The following AJAP1 variants were observed in gnomAD, a reference collection of about 807,000 sequenced individuals.
The protein encoded by AJAP1 is adherens junctions associated protein 1, also known as adherens junction-associated protein 1.
A neutral mutation model predicts 35.0 loss-of-function variants in AJAP1; 5 were observed. The ratio of observed to expected loss-of-function variants is 0.14; its 90% CI spans 0.07 to 0.30. AJAP1 has a LOEUF of 0.30. Among genes scored for constraint, AJAP1 ranks in the 10% least tolerant of loss-of-function variants. The pLI is 1.00. For missense variants in AJAP1, 586 were observed against 571.0 expected (o/e 1.03, Z -0.27); for synonymous variants, 284 against 249.3 (o/e 1.14, Z -1.31).
chr1:4,695,412 G>A (rs1281409554), intron 1 of AJAP1, among the ~76,000 whole-genome samples: 1 of 152,174 alleles, frequency 6.6e-6, no homozygotes, highest in East Asian at 1.9e-4. Flanking sequence ...CCAACGGCTG[G>A]CCAGGCAAGG....
chr1:4,697,744 A>G (rs1639898663), intron 1 of AJAP1, among the ~76,000 whole-genome samples: 1 of 152,208 alleles, frequency 6.6e-6, no homozygotes, highest in African/African-American at 2.4e-5. Context: ...CACGTCTAAC[A>G]AGATGGTCCC....
chr1:4,726,738 C>T (rs1226332896), intron 2 of AJAP1, among the ~76,000 whole-genome samples: 3 of 152,172 alleles, frequency 2.0e-5, no homozygotes, highest in Admixed American at 6.5e-5. Flanking sequence ...GTGTCTTCAG[C>T]ATGTGGGTCT....
chr1:4,711,700 G>A (rs1187730133), intron 1 of AJAP1, among the ~76,000 whole-genome samples, 200 bp from the exon 2 acceptor site: 2 of 152,178 alleles, frequency 1.3e-5, no homozygotes, highest in Admixed American at 6.5e-5. Flanking sequence ...CCCTCGCAGC[G>A]CGCGCTGTTC....
At chr1:4,682,830 T>C (rs1639513486) in intron 1 of AJAP1, among the ~76,000 whole-genome samples, 1 of 152,002 alleles carries the variant, frequency 6.6e-6, no homozygotes, top group South Asian at 2.1e-4. Flanking sequence ...ATACTGGTGG[T>C]GTTGGTGATG....
At chr1:4,658,880 G>T (rs1180320542) in intron 1 of AJAP1, among the ~76,000 whole-genome samples, 1 of 152,212 alleles carries the variant, frequency 6.6e-6, no homozygotes, top group African/African-American at 2.4e-5. Flanking sequence ...GCAGAGCAGC[G>T]CCGGCTTCTC....
chr1:4,669,574 A>G (rs6672744), intron 1 of AJAP1, among the ~76,000 whole-genome samples: 37,587 of 152,114 alleles, frequency 0.25, 4,734 homozygotes, highest in African/African-American at 0.27. Flanking sequence ...CCCATGATCC[A>G]ATGACCTCCA....
chr1:4,674,270 A>G (rs944358343), intron 1 of AJAP1, among the ~76,000 whole-genome samples: 1 of 152,160 alleles, frequency 6.6e-6, no homozygotes, highest in East Asian at 1.9e-4. Flanking sequence ...GGCACACCAC[A>G]GTCTGTGGCT....
At chr1:4,672,023 C>G (rs1639260358) in intron 1 of AJAP1, among the ~76,000 whole-genome samples, 1 of 152,196 alleles carries the variant, frequency 6.6e-6, no homozygotes. Flanking sequence ...GCCTATCAGC[C>G]TGGGCGCAGT....
chr1:4,743,954 C>T (rs948659749), intron 2 of AJAP1, among the ~76,000 whole-genome samples: 3 of 130,970 alleles, frequency 2.3e-5, no homozygotes, highest in Admixed American at 7.7e-5. Context: ...CCAGGCTCTC[C>T]AGGTTGGGAT....
chr1:4,791,272 G>T lies in AJAP1; in HGVS notation c.*8787G>T, dbSNP rs1642244988. 1 of 152,186 alleles carries T rather than the reference G, an allele frequency of 6.6e-6. No individual in the cohort carries two copies. The highest frequency in any genetic ancestry group is 2.4e-5 in the African/African-American group (1 of 41,438). 9.4% of individuals were successfully genotyped at this position (152,186 alleles called of 1,614,324 possible). A position where few individuals can be genotyped will look rare whatever the true frequency, so the allele number is the denominator to read the frequency against. On this transcript the variant is annotated 3_prime_UTR_variant, in exon 6 of 6. Transcript: ENST00000378191. Reference sequence around the variant, plus strand: ...GTTAGACCCAGAAAGTATTGAACTGGACATTGAATGAAGCTTGAGGCCATG... The same window carrying T: ...GTTAGACCCAGAAAGTATTGAACTGTACATTGAATGAAGCTTGAGGCCATG...
At chr1:4,724,818 G>A (rs956391594) in intron 2 of AJAP1, among the ~76,000 whole-genome samples, 5 of 152,236 alleles carry the variant, frequency 3.3e-5, no homozygotes, top group Admixed American at 2.6e-4. Context: ...AAGCCATGCA[G>A]ATCTTGCAAT....
chr1:4,792,337 G>A lies in AJAP1; in HGVS notation c.*9852G>A, dbSNP rs1292234256. On this transcript the variant is annotated 3_prime_UTR_variant, in exon 6 of 6. Transcript: ENST00000378191. ...AAATGACACAATATATGTGGGTGGG[G>A]GGCGGGGGGCAGGTGGCTGGGTGTG... 3 of 128,466 alleles carry A rather than the reference G, an allele frequency of 2.3e-5. No homozygotes were observed. Among genetic ancestry groups the A allele is most frequent in the Non-Finnish European group, 4.8e-5 (3 of 62,668 alleles). The allele number at this position is 128,466 out of a possible 1,614,324, so 8.0% of individuals were successfully genotyped here. A position where few individuals can be genotyped will look rare whatever the true frequency, so the allele number is the denominator to read the frequency against.
Position 4,772,469 on chromosome 1 carries a change from C to A in AJAP1, c.1107C>A (p.Thr369=), listed in dbSNP as rs374238895. The part of the protein sequence containing the change: ...ECVRASVPVY[T]DETLHSTTGE... Reference sequence around the variant, plus strand: ...TCAGGGCATCTGTGCCCGTGTACACCGATGAGACGCTGCACTCGACGACGG... The same window carrying A: ...TCAGGGCATCTGTGCCCGTGTACACAGATGAGACGCTGCACTCGACGACGG... Residue 369 remains threonine, a synonymous_variant, in exon 4 of 6, where the codon ACC becomes ACA. Transcript: ENST00000378191. The A allele has an allele frequency of 3.1e-6, 5 of 1,614,210 alleles. No individual in the cohort carries two copies. Among genetic ancestry groups the A allele is most frequent in the Non-Finnish European group, 4.2e-6 (5 of 1,180,048 alleles).
chr1:4,683,549 C>T (rs571939975), intron 1 of AJAP1, among the ~76,000 whole-genome samples: 11 of 152,316 alleles, frequency 7.2e-5, no homozygotes, highest in Middle Eastern at 6.8e-3. Flanking sequence ...AATGTGACCT[C>T]AGACATTCAG....
chr1:4,761,624 G>C (rs940819175), intron 2 of AJAP1, among the ~76,000 whole-genome samples: 2 of 152,190 alleles, frequency 1.3e-5, no homozygotes, highest in Non-Finnish European at 2.9e-5. Flanking sequence ...TATATAAGGG[G>C]AGTTTATTAA....
chr1:4,746,943 G>T (rs914904371), intron 2 of AJAP1, among the ~76,000 whole-genome samples: 1 of 152,214 alleles, frequency 6.6e-6, no homozygotes, highest in South Asian at 2.1e-4. Flanking sequence ...CTTGATAGGA[G>T]CGCCAAGGTA....
At chr1:4,729,961 A>G (rs1418833568) in intron 2 of AJAP1, among the ~76,000 whole-genome samples, 1 of 152,134 alleles carries the variant, frequency 6.6e-6, no homozygotes, top group African/African-American at 2.4e-5. Flanking sequence ...GTTCAGCCCC[A>G]AAAGTACCCT....
chr1:4,706,831 G>A (rs1055031459), intron 1 of AJAP1, among the ~76,000 whole-genome samples: 8 of 151,970 alleles, frequency 5.3e-5, no homozygotes, highest in Non-Finnish European at 8.8e-5. Context: ...ACTGTTCTTC[G>A]GGAAAAAAGA....
In AJAP1 at chr1:4,783,037, A is replaced by AACAC; in HGVS notation, c.*563_*566dup. ...ATACATATATAAATATATAAATACA[A>AACAC]ACACACACACACACTTTTTTTGTAC... On this transcript the variant is annotated 3_prime_UTR_variant, in exon 6 of 6. Coordinates refer to ENST00000378191, the MANE Select transcript of AJAP1 (RefSeq NM_018836.4). 1 of 387,838 alleles carries AACAC rather than the reference A, an allele frequency of 2.6e-6. No individual in the cohort carries two copies. The highest frequency in any genetic ancestry group is 1.4e-4 in the South Asian group (1 of 6,926). 24.0% of individuals were successfully genotyped at this position (387,838 alleles called of 1,614,324 possible).
Sources: gnomAD v4.1 joint callset for allele counts (sites outside exome capture counted in the v4.1 genomes callset) on GRCh38, gnomAD v4.1.1 for gene constraint, MANE v1.5 for transcripts, NCBI Gene and HGNC (gene_info 2026-07-23, HGNC 2026-07-21) for gene names.